STPG2: variants seen among roughly 807,000 people sequenced by gnomAD.
The protein encoded by STPG2 is sperm-tail PG-rich repeat-containing protein 2.
Under a neutral mutation model 54.2 loss-of-function variants are expected in STPG2, and 56 were observed. The ratio of observed to expected loss-of-function variants is 1.03; its 90% CI spans 0.83 to 1.29. STPG2 has a LOEUF of 1.29. Among genes scored for constraint, STPG2 ranks in the 50% most tolerant of loss-of-function variants. The pLI is 0.00. For synonymous variants in STPG2, 200 were observed against 181.8 expected (o/e 1.10, Z -0.81); for missense variants, 596 against 544.9 (o/e 1.09, Z -0.93).
intron 10 of STPG2, among the ~76,000 whole-genome samples, chr4:97,667,075 G>C (rs1029705802): frequency 1.3e-5 from 2 of 152,136 alleles, no homozygotes; most frequent in African/African-American, 4.8e-5. Flanking sequence ...TGCACACTTT[G>C]GTGGTGGTAG....
chr4:97,780,937 T>C (rs572256636), intron 9 of STPG2, among the ~76,000 whole-genome samples: 7 of 151,212 alleles, frequency 4.6e-5, no homozygotes, highest in Non-Finnish European at 8.9e-5. Context: ...AAGCAGTGGG[T>C]AGAGGGAAAT....
At chr4:97,796,117 T>C (rs975475194) in intron 9 of STPG2, among the ~76,000 whole-genome samples, 6 of 152,216 alleles carry the variant, frequency 3.9e-5, no homozygotes, top group African/African-American at 1.4e-4. Flanking sequence ...GTCAGATGAA[T>C]AGATTGCAAA....
At chr4:97,613,708 T>C (rs1733789496) in intron 10 of STPG2, among the ~76,000 whole-genome samples, 2 of 152,104 alleles carry the variant, frequency 1.3e-5, no homozygotes, top group Non-Finnish European at 2.9e-5. Flanking sequence ...TTATGGATTA[T>C]ACTCCAGTAC....
intron 8 of STPG2, among the ~76,000 whole-genome samples, chr4:97,861,772 G>T (rs531545102): frequency 1.3e-5 from 2 of 152,060 alleles, no homozygotes; most frequent in Non-Finnish European, 2.9e-5. Flanking sequence ...AATATTCAAC[G>T]TTCTTAAAGA....
intron 4 of STPG2, among the ~76,000 whole-genome samples, chr4:97,506,233 T>C (rs1730841533): frequency 6.6e-6 from 1 of 151,878 alleles, no homozygotes; most frequent in Admixed American, 6.6e-5. Flanking sequence ...AGAAAATTGT[T>C]ATCTAGAGAC....
At chr4:97,916,377 C>A (rs1460472598) in intron 8 of STPG2, 5 of 152,584 alleles carry the variant, frequency 3.3e-5, no homozygotes, top group Non-Finnish European at 7.3e-5. Flanking sequence ...GCACCTTGCC[C>A]ATGGATTTCC....
In STPG2 at chr4:97,603,885, T is replaced by C. The variant is rs991506364; in HGVS notation, c.1321-44768A>G. 2.6e-4 allele frequency among the ~76,000 whole-genome samples: 40 copies of C among 151,736 alleles called. 1 individual carries two copies. The highest frequency in any genetic ancestry group is 3.8e-4 in the Non-Finnish European group (26 of 67,678). On this transcript the variant is annotated intron_variant, in intron 10 of 10. Coordinates refer to ENST00000295268, the MANE Select transcript of STPG2 (RefSeq NM_174952.3). ...GATATAAAGTTTCAGTTTTGCAAGA[T>C]GAAAAGAGTTCTGGAGATTGGTTGC...
intron 7 of STPG2, among the ~76,000 whole-genome samples, chr4:97,963,931 A>T (rs1050629089): frequency 6.6e-6 from 1 of 152,130 alleles, no homozygotes; most frequent in Non-Finnish European, 1.5e-5. Context: ...TGAAAAATAA[A>T]TTAAATTGGC....
intron 4 of STPG2, among the ~76,000 whole-genome samples, chr4:97,524,313 GACTTGTTTC>G (rs1400288311): frequency 1.3e-5 from 2 of 151,938 alleles, no homozygotes; most frequent in Non-Finnish European, 2.9e-5. Context: ...AGTTATGCCA[GACTTGTTTC>G]TTTTTAGTTG....
chr4:97,705,225 A>G (rs1461066376), intron 10 of STPG2, among the ~76,000 whole-genome samples: 1 of 152,146 alleles, frequency 6.6e-6, no homozygotes, highest in Non-Finnish European at 1.5e-5. Flanking sequence ...TCCTTTGCCT[A>G]GAAAAAGCCC....
chr4:97,851,922 T>G (rs1382999976), intron 8 of STPG2, among the ~76,000 whole-genome samples: 5 of 152,252 alleles, frequency 3.3e-5, no homozygotes, highest in Non-Finnish European at 7.3e-5. Flanking sequence ...CTAATGCTAC[T>G]GAGGCAGAGA....
chr4:97,646,575 T>C (rs1377736719), intron 10 of STPG2, among the ~76,000 whole-genome samples: 1 of 152,114 alleles, frequency 6.6e-6, no homozygotes, highest in African/African-American at 2.4e-5. Context: ...ATAATTCATA[T>C]CAGCATTTTC....
chr4:97,781,808 A>G (rs1246264241), intron 9 of STPG2, among the ~76,000 whole-genome samples: 2 of 152,218 alleles, frequency 1.3e-5, no homozygotes, highest in Non-Finnish European at 2.9e-5. Context: ...AATCCAGCAT[A>G]TAAACAGAAC....
rs750462994 is a variant in STPG2 at position 98,128,499 on chromosome 4, C to A, written c.316G>T (p.Gly106Cys). 11 of 1,613,526 alleles carry A rather than the reference C, an allele frequency of 6.8e-6. No individual in the cohort carries two copies. The highest frequency in any genetic ancestry group is 9.3e-6 in the Non-Finnish European group (11 of 1,179,736). ...GGTGGAAAACATTTTATAATACTGC[C>A]ATCATCATTAATATGATAACCATAT... Reference protein sequence around the residue: ...KSYGYHINDDGSIIKCFPPAC... With the variant: ...KSYGYHINDDCSIIKCFPPAC... The change falls in exon 3 of 11, where the codon GGC (glycine) becomes TGC (cysteine). Residue 106 changes from glycine to cysteine, a missense_variant. Gly to Cys is a radical substitution (Grantham distance 159, BLOSUM62 -3). Transcript: ENST00000295268.
At chr4:97,643,911 A>C (rs1721834857) in intron 10 of STPG2, among the ~76,000 whole-genome samples, 1 of 151,868 alleles carries the variant, frequency 6.6e-6, no homozygotes, top group Non-Finnish European at 1.5e-5. Flanking sequence ...CAAACTGGGA[A>C]TCACCAGGAA....
At chr4:97,967,498 C>T (rs924013266) in intron 7 of STPG2, among the ~76,000 whole-genome samples, 6 of 152,088 alleles carry the variant, frequency 3.9e-5, no homozygotes, top group African/African-American at 1.4e-4. Flanking sequence ...CAGCTCTGCA[C>T]CAAGCAGACC....
intron 5 of STPG2, among the ~76,000 whole-genome samples, chr4:98,103,484 A>AGGGC (rs1739103737): frequency 6.6e-6 from 1 of 151,794 alleles, no homozygotes; most frequent in Admixed American, 6.6e-5. Context: ...TCTACTAAAA[A>AGGGC]TACAAAATTA....
intron 9 of STPG2, among the ~76,000 whole-genome samples, chr4:97,833,840 G>C (rs1414172736): frequency 6.6e-6 from 1 of 152,022 alleles, no homozygotes; most frequent in African/African-American, 2.4e-5. Context: ...GAATGGTGAT[G>C]ATTAAAAAGT....
intron 9 of STPG2, among the ~76,000 whole-genome samples, chr4:97,830,202 A>G (rs1036067920): frequency 6.6e-6 from 1 of 152,240 alleles, no homozygotes; most frequent in East Asian, 1.9e-4. Flanking sequence ...AAGCAAGAAG[A>G]GAGTGAGGAC....
Sources: allele counts gnomAD v4.1 joint callset (sites outside exome capture counted in the v4.1 genomes callset), GRCh38; gene constraint gnomAD v4.1.1; transcripts MANE v1.5; gene names NCBI Gene and HGNC (gene_info 2026-07-23, HGNC 2026-07-21).